IKBKG: variants seen among roughly 807,000 people sequenced by gnomAD.
The protein encoded by IKBKG is inhibitor of nuclear factor kappa B kinase regulatory subunit gamma, also known as NF-kappa-B essential modulator.
Under a neutral mutation model 13.7 loss-of-function variants are expected in IKBKG, and 2 were observed. That is an observed-to-expected ratio of 0.15 (90% CI 0.06 to 0.46). The LOEUF is 0.46. Ranked by LOEUF, IKBKG falls within the 20% of genes least tolerant of loss-of-function variation. IKBKG has a pLI of 0.98. For synonymous variants in IKBKG, 22 were observed against 64.4 expected (o/e 0.34, Z 3.15); for missense variants, 53 against 150.3 (o/e 0.35, Z 3.39).
upstream of IKBKG, chrX:154,546,165 T>A: frequency 8.3e-7 from 1 of 1,211,562 alleles, no homozygotes. Context: ...TGACGCTGTC[T>A]GGTGGAAGAA....
chrX:154,545,712 G>A (rs2070684798), upstream of IKBKG: 2 of 258,529 alleles, frequency 7.7e-6, no homozygotes, highest in Non-Finnish European at 1.4e-5. Flanking sequence ...GTGCATGCCT[G>A]TAATCTCAGC....
At chrX:154,547,252 C>A, upstream of IKBKG, 1 of 668,053 alleles carries the variant, frequency 1.5e-6, no homozygotes, top group Non-Finnish European at 1.8e-6. Flanking sequence ...CTGGGCTGTC[C>A]CTCGGCTCCT....
chrX:154,543,373 A>G (rs1557232435), upstream of IKBKG, among the ~76,000 whole-genome samples: 1 of 112,416 alleles, frequency 8.9e-6, no homozygotes, highest in Non-Finnish European at 1.9e-5. Flanking sequence ...GGAAAAGCCT[A>G]AGGACCCTGG....
chrX:154,550,109 A>T (rs1557234681), intron 1 of IKBKG, among the ~76,000 whole-genome samples: 1 of 110,807 alleles, frequency 9.0e-6, no homozygotes, highest in African/African-American at 3.3e-5. Flanking sequence ...TCTCTAAGAC[A>T]GGACTCTGAA....
At chrX:154,548,277 G>A (rs1049837219) in intron 1 of IKBKG, among the ~76,000 whole-genome samples, 1 of 112,065 alleles carries the variant, frequency 8.9e-6, no homozygotes. Context: ...GGAACCCGAT[G>A]GTACAGGGCC....
upstream of IKBKG, chrX:154,546,194 G>A (rs781867923): frequency 3.3e-6 from 4 of 1,208,809 alleles, no homozygotes; most frequent in Non-Finnish European, 4.5e-6. Context: ...TAACAAGGCA[G>A]AAGAACAGGA....
In IKBKG at chrX:154,550,794, C is replaced by T. The variant is rs187063940; in HGVS notation, c.-15-1194C>T. Among the ~76,000 whole-genome samples the T allele has an allele frequency of 2.7e-5, 3 of 110,821 alleles. No homozygotes were observed. The Admixed American group carries it at 2.9e-4, about 11-fold the overall frequency. On this transcript the variant is annotated intron_variant, in intron 1 of 9. Coordinates refer to ENST00000594239, the MANE Select transcript of IKBKG (RefSeq NM_001099857.5). Reference sequence around the variant, plus strand: ...TAGCTGGGACTACAGGCGCGTGTCACCACACTCTGCTAATTTTTTGTATTT... The same window carrying T: ...TAGCTGGGACTACAGGCGCGTGTCATCACACTCTGCTAATTTTTTGTATTT...
At chrX:154,541,600 C>T (rs1557231934) in intron 1 of IKBKG, among the ~76,000 whole-genome samples, 1 of 111,909 alleles carries the variant, frequency 8.9e-6, no homozygotes, top group African/African-American at 3.2e-5. Context: ...CAAGAGTCTA[C>T]TCGTGCCATG....
chrX:154,542,138 A>T, intron 1 of IKBKG: 1 of 467,915 alleles, frequency 2.1e-6, no homozygotes, highest in Non-Finnish European at 3.6e-6. Context: ...TGACACAGCA[A>T]GAATCTTATC....
chrX:154,548,502 A>G (rs1183733476), intron 1 of IKBKG, among the ~76,000 whole-genome samples: 1 of 112,839 alleles, frequency 8.9e-6, no homozygotes, highest in African/African-American at 3.2e-5. Flanking sequence ...TGCTTTGAGC[A>G]TTTTATTATT....
chrX:154,547,668 C>T lies in IKBKG; in HGVS notation c.-93C>T, dbSNP rs1031842193. 44 of 754,049 alleles carry T rather than the reference C, an allele frequency of 5.8e-5. 1 individual carries two copies. The Admixed American group carries it at 9.4e-4, about 16-fold the overall frequency. The allele number at this position is 754,049 out of a possible 1,213,427, so 62.1% of individuals were successfully genotyped here. A position where few individuals can be genotyped will look rare whatever the true frequency, so the allele number is the denominator to read the frequency against. On this transcript the variant is annotated 5_prime_UTR_variant, in exon 1 of 10. Coordinates refer to ENST00000594239, the MANE Select transcript of IKBKG (RefSeq NM_001099857.5). ...AGGGCGACCGCGAAACTGGGACTTT[C>T]TCGGAGCGCCGGGGCCCTACCAGCG...
chrX:154,546,083 C>T (rs782195369), upstream of IKBKG: 6 of 1,211,773 alleles, frequency 5.0e-6, no homozygotes, highest in Non-Finnish European at 6.7e-6. Flanking sequence ...TGATGGAAGG[C>T]ATCGCCCTGG....
In IKBKG at chrX:154,555,699, C is replaced by T. The variant is rs782081482; in HGVS notation, c.188-466C>T. Among the ~76,000 whole-genome samples, 8 of 112,167 alleles carry T rather than the reference C, an allele frequency of 7.1e-5. No individual in the cohort carries two copies. The South Asian group carries it at 3.0e-3, about 42-fold the overall frequency. Reference sequence around the variant, plus strand: ...GGTTCAAGTGCTTCTCCTGCCTTAGCCTCCCAAGTAGCTGGGATTACAGGC... The same window carrying T: ...GGTTCAAGTGCTTCTCCTGCCTTAGTCTCCCAAGTAGCTGGGATTACAGGC... On this transcript the variant is annotated intron_variant, in intron 2 of 9. Coordinates refer to ENST00000594239, the MANE Select transcript of IKBKG (RefSeq NM_001099857.5).
upstream of IKBKG, among the ~76,000 whole-genome samples, chrX:154,545,368 T>C (rs2070670592): frequency 1.8e-5 from 2 of 111,698 alleles, no homozygotes; most frequent in South Asian, 7.4e-4. Context: ...GAGGCAGAGA[T>C]CAGGCCTCAG....
chrX:154,547,617 A>G (rs1446272384), upstream of IKBKG: 3 of 753,640 alleles, frequency 4.0e-6, no homozygotes, highest in Non-Finnish European at 4.7e-6. Flanking sequence ...CAGCTATGAC[A>G]CCGGAAGCCG....
At chrX:154,545,646 T>A (rs1206667315), upstream of IKBKG, 1 of 186,021 alleles carries the variant, frequency 5.4e-6, no homozygotes, top group Admixed American at 7.5e-5. Context: ...ACCAGCCTGG[T>A]CAACATGGTG....
At chrX:154,547,385 C>A (rs1281436654), upstream of IKBKG, 3 of 755,039 alleles carry the variant, frequency 4.0e-6, no homozygotes, top group Non-Finnish European at 4.7e-6. Flanking sequence ...CCGAGCGCCC[C>A]GAGGCTAGAC....
At chrX:154,550,859 G>A (rs2070911079) in intron 1 of IKBKG, among the ~76,000 whole-genome samples, 1 of 108,595 alleles carries the variant, frequency 9.2e-6, no homozygotes, top group Admixed American at 9.7e-5. Context: ...TGCCCAGGCT[G>A]GAGTGCAGTG....
intron 2 of IKBKG, among the ~76,000 whole-genome samples, chrX:154,555,859 C>T (rs2071047743): frequency 1.8e-5 from 2 of 113,030 alleles, no homozygotes; most frequent in South Asian, 3.6e-4. Context: ...GGATTACAGG[C>T]ATGAGCCACA....
Sources: gnomAD v4.1 joint callset for allele counts (sites outside exome capture counted in the v4.1 genomes callset) on GRCh38, gnomAD v4.1.1 for gene constraint, MANE v1.5 for transcripts, NCBI Gene and HGNC (gene_info 2026-07-23, HGNC 2026-07-21) for gene names.